Variants in SH2D4B observed in about 807,000 individuals in gnomAD.
The protein encoded by SH2D4B is SH2 domain-containing protein 4B.
SH2D4B carries 45 observed loss-of-function variants against 61.5 expected under a neutral mutation model. The observed-to-expected ratio is 0.73, with a 90% confidence interval of 0.58 to 0.94. SH2D4B has a LOEUF of 0.94. Among genes scored for constraint, SH2D4B ranks in the 40% least tolerant of loss-of-function variants. SH2D4B has a pLI of 0.00. For missense variants in SH2D4B, 572 were observed against 574.2 expected, an observed-to-expected ratio of 1.00 and a Z score of 0.04; for synonymous variants, 224 against 220.4, an observed-to-expected ratio of 1.02 and a Z score of -0.14.
intron 6 of SH2D4B, among the ~76,000 whole-genome samples, chr10:80,622,342 A>T (rs1842724517): frequency 6.6e-6 from 1 of 152,072 alleles, no homozygotes; most frequent in Non-Finnish European, 1.5e-5. Flanking sequence ...TCACATGATG[A>T]TGTTATATGT....
intron 1 of SH2D4B, among the ~76,000 whole-genome samples, chr10:80,550,138 G>A (rs1841739271): frequency 6.6e-6 from 1 of 152,120 alleles, no homozygotes; most frequent in Admixed American, 6.5e-5. Flanking sequence ...AGAGCAAGAA[G>A]TAAAGGCAGC....
At chr10:80,540,786 G>A (rs1461334696) in intron 1 of SH2D4B, 15 of 1,540,876 alleles carry the variant, frequency 9.7e-6, no homozygotes, top group Non-Finnish European at 1.3e-5. Flanking sequence ...AGGGAACACA[G>A]CCAACTCGAG....
chr10:80,620,399 G>A (rs1486573089), intron 6 of SH2D4B, among the ~76,000 whole-genome samples: 1 of 152,176 alleles, frequency 6.6e-6, no homozygotes, highest in African/African-American at 2.4e-5. Context: ...CAGCCATGAA[G>A]GTCATGGAAA....
intron 3 of SH2D4B, among the ~76,000 whole-genome samples, chr10:80,576,309 G>C (rs796784434): frequency 9.2e-5 from 14 of 152,334 alleles, no homozygotes; most frequent in African/African-American, 3.4e-4. Context: ...GCCAAGGAAG[G>C]TTATGATTAT....
chr10:80,603,028 T>C (rs576437204), intron 4 of SH2D4B, among the ~76,000 whole-genome samples: 2 of 152,208 alleles, frequency 1.3e-5, no homozygotes, highest in South Asian at 4.1e-4. Flanking sequence ...GCAGAAATAA[T>C]GATGTTCCCT....
chr10:80,542,852 G>A (rs748958584), intron 1 of SH2D4B, among the ~76,000 whole-genome samples: 22 of 152,098 alleles, frequency 1.4e-4, no homozygotes, highest in Non-Finnish European at 2.8e-4. Context: ...GCACACTCAG[G>A]AAGCTGCTTC....
In SH2D4B at chr10:80,634,045, G is replaced by A. The variant is rs575260843; in HGVS notation, c.989-240G>A. Among the ~76,000 whole-genome samples, 12 of 152,324 alleles carry A rather than the reference G, an allele frequency of 7.9e-5. No homozygotes were observed. The South Asian group carries it at 2.3e-3, about 29-fold the overall frequency. On this transcript the variant is annotated intron_variant, in intron 6 of 7. Coordinates refer to ENST00000646907, the MANE Select transcript of SH2D4B (RefSeq NM_001388272.1). ...GTGGAGGAAAGCATGCTCAACTCACGTCCTAGTAGAAACTCTGCCCCCAGG... is the reference window on the plus strand; with the variant it reads ...GTGGAGGAAAGCATGCTCAACTCACATCCTAGTAGAAACTCTGCCCCCAGG...
chr10:80,602,949 C>T (rs1842468659), intron 4 of SH2D4B, among the ~76,000 whole-genome samples: 1 of 152,146 alleles, frequency 6.6e-6, no homozygotes, highest in South Asian at 2.1e-4. Flanking sequence ...CCAGGCTCTG[C>T]TCCTTATGAG....
At chr10:80,625,898 A>G (rs538132972) in intron 6 of SH2D4B, among the ~76,000 whole-genome samples, 1 of 152,126 alleles carries the variant, frequency 6.6e-6, no homozygotes, top group South Asian at 2.1e-4. Flanking sequence ...TTTGATCTGT[A>G]CTTGGTTGAA....
At chr10:80,596,263 G>C (rs756706362) in intron 4 of SH2D4B, among the ~76,000 whole-genome samples, 1 of 152,194 alleles carries the variant, frequency 6.6e-6, no homozygotes, top group Non-Finnish European at 1.5e-5. Flanking sequence ...ATTCACACAT[G>C]GGTTGGAGTT....
At chr10:80,572,319 C>T (rs1842057717) in intron 3 of SH2D4B, among the ~76,000 whole-genome samples, 1 of 152,072 alleles carries the variant, frequency 6.6e-6, no homozygotes, top group Admixed American at 6.5e-5. Context: ...ATTTTGTGGT[C>T]TAGGATAAAG....
At chr10:80,588,287 A>G (rs1181387989) in intron 3 of SH2D4B, among the ~76,000 whole-genome samples, 1 of 152,176 alleles carries the variant, frequency 6.6e-6, no homozygotes, top group Non-Finnish European at 1.5e-5. Context: ...CATCTCATTG[A>G]GGGGTCAGGC....
intron 3 of SH2D4B, among the ~76,000 whole-genome samples, chr10:80,586,047 C>T (rs34279451): frequency 0.24 from 35,853 of 152,040 alleles, 5,096 homozygotes; most frequent in African/African-American, 0.38. Flanking sequence ...TGTGCTGGGT[C>T]CCCCAGCAGT....
At position 80,590,517 on chromosome 10, in the gene SH2D4B, A is replaced by T. The variant is rs148220810; in HGVS notation, c.643+1740A>T. ...GATTAATACACGTGGACAGTGGGAAACTTCCAAAGGCTAGTGACGCGATCT... is the reference window on the plus strand; with the variant it reads ...GATTAATACACGTGGACAGTGGGAATCTTCCAAAGGCTAGTGACGCGATCT... On this transcript the variant is annotated intron_variant, in intron 4 of 7. Coordinates refer to ENST00000646907, the MANE Select transcript of SH2D4B (RefSeq NM_001388272.1). 2.9e-4 allele frequency among the ~76,000 whole-genome samples: 44 copies of T among 152,272 alleles called. No homozygotes were observed. In the East Asian group the frequency reaches 8.5e-3, roughly 29 times the overall value.
chr10:80,611,876 G>GTTC (rs3830516), intron 6 of SH2D4B, among the ~76,000 whole-genome samples: 77,624 of 151,326 alleles, frequency 0.51, 20,914 homozygotes, highest in East Asian at 0.74. Context: ...CTAATTTCAT[G>GTTC]TTCTGACAGT....
chr10:80,602,668 C>T (rs1009517734), intron 4 of SH2D4B, among the ~76,000 whole-genome samples: 2 of 152,180 alleles, frequency 1.3e-5, no homozygotes, highest in Admixed American at 1.3e-4. Context: ...TTTCCAACAA[C>T]TCATCTTGTG....
chr10:80,601,426 G>C (rs1343742454), intron 4 of SH2D4B, among the ~76,000 whole-genome samples: 1 of 152,224 alleles, frequency 6.6e-6, no homozygotes, highest in Non-Finnish European at 1.5e-5. Flanking sequence ...TGCCTTGAAA[G>C]AAGGATTTGC....
At position 80,646,210 on chromosome 10, in the gene SH2D4B, T is replaced by A. The variant is rs763243034; in HGVS notation, c.*2125T>A. The A allele has an allele frequency of 6.6e-6, 1 of 152,580 alleles. No individual in the cohort carries two copies. Among genetic ancestry groups the A allele is most frequent in the Non-Finnish European group, 1.5e-5 (1 of 68,026 alleles). The allele number at this position is 152,580 out of a possible 1,614,324, so 9.5% of individuals were successfully genotyped here. ...GCTTAGCCCATGATGTATCAGGGGATATGATGTGATGATTTTCAAGGTGTT... is the reference window on the plus strand; with the variant it reads ...GCTTAGCCCATGATGTATCAGGGGAAATGATGTGATGATTTTCAAGGTGTT... On this transcript the variant is annotated 3_prime_UTR_variant, in exon 8 of 8. Coordinates refer to ENST00000646907, the MANE Select transcript of SH2D4B (RefSeq NM_001388272.1).
chr10:80,550,698 G>A (rs921581371), intron 1 of SH2D4B, among the ~76,000 whole-genome samples: 1 of 152,210 alleles, frequency 6.6e-6, no homozygotes, highest in African/African-American at 2.4e-5. Flanking sequence ...TTGAAGAAAT[G>A]TTAAAATAGG....
Sources: gnomAD v4.1 joint callset for allele counts (sites outside exome capture counted in the v4.1 genomes callset) on GRCh38, gnomAD v4.1.1 for gene constraint, MANE v1.5 for transcripts, NCBI Gene and HGNC (gene_info 2026-07-23, HGNC 2026-07-21) for gene names.